BORCS5: variants seen among roughly 807,000 people sequenced by gnomAD.
BORCS5 encodes BLOC-1 related complex subunit 5.
Under a neutral mutation model 22.1 loss-of-function variants are expected in BORCS5, and 17 were observed. That is an observed-to-expected ratio of 0.77 (90% CI 0.53 to 1.15). The LOEUF is 1.15. Ranked by LOEUF, BORCS5 falls within the 50% of genes most tolerant of loss-of-function variation. BORCS5 has a pLI of 0.00. For synonymous variants in BORCS5, 117 were observed against 99.8 expected (o/e 1.17, Z -1.03); for missense variants, 247 against 253.2 (o/e 0.98, Z 0.17).
chr12:12,427,741 T>G (rs1942325900), intron 2 of BORCS5, among the ~76,000 whole-genome samples: 1 of 152,176 alleles, frequency 6.6e-6, no homozygotes, highest in South Asian at 2.1e-4. Flanking sequence ...CCGGCAGATT[T>G]GCCTCTGCCG....
chr12:12,409,038 A>G (rs1941654507), intron 2 of BORCS5, among the ~76,000 whole-genome samples: 1 of 152,130 alleles, frequency 6.6e-6, no homozygotes, highest in Admixed American at 6.5e-5. Context: ...CGGCTATGCT[A>G]TACCATGTTA....
At chr12:12,361,428 T>G in intron 2 of BORCS5, 79 bp downstream of exon 2, 1 of 1,499,558 alleles carries the variant, frequency 6.7e-7, no homozygotes, top group Non-Finnish European at 9.2e-7. Flanking sequence ...TACTTATCCA[T>G]GTATCTTGCT....
intron 2 of BORCS5, among the ~76,000 whole-genome samples, chr12:12,398,523 C>T (rs1026821790): frequency 4.6e-5 from 7 of 152,112 alleles, no homozygotes; most frequent in African/African-American, 1.4e-4. Flanking sequence ...CTCAGAGGGC[C>T]GTTGTGTGCA....
In BORCS5 at chr12:12,394,936, C is replaced by T. The variant is rs74733265; in HGVS notation, c.202+33587C>T. On this transcript the variant is annotated intron_variant, in intron 2 of 3. Transcript: ENST00000314565. ...CTACAGAGAGGTTAGACAACTTGCT[C>T]ATCTTCCAAAAAGATTTAAACTCAG... is the stretch of plus-strand genomic sequence containing the variant. Among the ~76,000 whole-genome samples the T allele has an allele frequency of 2.5e-3, 380 of 152,194 alleles. 4 individuals are homozygous for T. The highest frequency in any genetic ancestry group is 8.8e-3 in the African/African-American group (366 of 41,470).
At chr12:12,373,025 G>A (rs891430712) in intron 2 of BORCS5, among the ~76,000 whole-genome samples, 3 of 152,134 alleles carry the variant, frequency 2.0e-5, no homozygotes, top group African/African-American at 7.2e-5. Flanking sequence ...CCAATTCACA[G>A]GTTGAAATTG....
At chr12:12,425,987 T>C (rs1229761431) in intron 2 of BORCS5, among the ~76,000 whole-genome samples, 1 of 152,234 alleles carries the variant, frequency 6.6e-6, no homozygotes, top group Non-Finnish European at 1.5e-5. Context: ...GGCATAACTT[T>C]ATATAGTTCC....
rs866752135 is a variant in BORCS5 at position 12,468,190 on chromosome 12, C to T, written c.*2414C>T. 52 of 152,300 alleles carry T rather than the reference C, an allele frequency of 3.4e-4. No homozygotes were observed. Among genetic ancestry groups the T allele is most frequent in the Middle Eastern group, 3.4e-3 (1 of 294 alleles). The allele number at this position is 152,300 out of a possible 1,614,324, so 9.4% of individuals were successfully genotyped here. The stretch of plus-strand genomic sequence containing the variant: ...CACCAGCCCCTCTAATTGCTCAAAC[C>T]GCTTTCACAATCCTCTCTTTCTACA... On this transcript the variant is annotated 3_prime_UTR_variant, in exon 4 of 4. Coordinates refer to ENST00000314565, the MANE Select transcript of BORCS5 (RefSeq NM_058169.6).
chr12:12,411,369 T>C (rs892520460), intron 2 of BORCS5, among the ~76,000 whole-genome samples: 1 of 152,222 alleles, frequency 6.6e-6, no homozygotes, highest in Non-Finnish European at 1.5e-5. Flanking sequence ...CATGTGCTTA[T>C]TGGCCATTTG....
At chr12:12,386,677 C>T (rs1863890232) in intron 2 of BORCS5, among the ~76,000 whole-genome samples, 1 of 149,190 alleles carries the variant, frequency 6.7e-6, no homozygotes, top group Non-Finnish European at 1.5e-5. Flanking sequence ...ACTATGTTGG[C>T]CAGGCTGGTC....
In BORCS5 at chr12:12,357,099, A is replaced by G; in HGVS notation, c.-353A>G. On this transcript the variant is annotated 5_prime_UTR_variant, in exon 1 of 4. Coordinates refer to ENST00000314565, the MANE Select transcript of BORCS5 (RefSeq NM_058169.6). ...GCCCATCTGCGTCCCGGAAGGAGCGAGCTTGCGGAGCGTGAACCAGTGAGT... is the reference window on the plus strand; with the variant it reads ...GCCCATCTGCGTCCCGGAAGGAGCGGGCTTGCGGAGCGTGAACCAGTGAGT... 1.3e-6 allele frequency: 2 copies of G among 1,534,558 alleles called. No individual in the cohort carries two copies. The highest frequency in any genetic ancestry group is 1.7e-6 in the Non-Finnish European group (2 of 1,146,088).
intron 3 of BORCS5, among the ~76,000 whole-genome samples, chr12:12,462,038 G>A (rs1565940554): frequency 6.6e-6 from 1 of 152,220 alleles, no homozygotes; most frequent in African/African-American, 2.4e-5. Context: ...GAAAATTCAT[G>A]TTAATGTACA....
At chr12:12,447,676 A>G (rs1942817459) in intron 3 of BORCS5, among the ~76,000 whole-genome samples, 1 of 152,212 alleles carries the variant, frequency 6.6e-6, no homozygotes, top group Non-Finnish European at 1.5e-5. Flanking sequence ...CACCACTGCT[A>G]AGCTCTGTTC....
At chr12:12,386,730 A>C (rs1863891915) in intron 2 of BORCS5, among the ~76,000 whole-genome samples, 1 of 150,748 alleles carries the variant, frequency 6.6e-6, no homozygotes, top group South Asian at 2.1e-4. Flanking sequence ...TCGGCCTCCC[A>C]AAGTGCTGGG....
chr12:12,391,235 A>G (rs975857934), intron 2 of BORCS5, among the ~76,000 whole-genome samples: 8 of 152,076 alleles, frequency 5.3e-5, no homozygotes, highest in Non-Finnish European at 1.0e-4. Flanking sequence ...GGTTCCTGCC[A>G]TACTTAGCAA....
chr12:12,365,477 G>A (rs190319427), intron 2 of BORCS5, among the ~76,000 whole-genome samples: 1 of 151,882 alleles, frequency 6.6e-6, no homozygotes, highest in Non-Finnish European at 1.5e-5. Context: ...ACCATGCCCG[G>A]CCCGAGTTTC....
intron 2 of BORCS5, among the ~76,000 whole-genome samples, chr12:12,415,661 T>C (rs1941927162): frequency 6.6e-6 from 1 of 151,722 alleles, no homozygotes; most frequent in East Asian, 1.9e-4. Context: ...ATCATCCTTG[T>C]GTTCCAGGAA....
chr12:12,392,457 T>A (rs1941218881), intron 2 of BORCS5, among the ~76,000 whole-genome samples: 1 of 152,096 alleles, frequency 6.6e-6, no homozygotes, highest in African/African-American at 2.4e-5. Context: ...GTAATTAAGA[T>A]AGTTTAATAC....
At chr12:12,429,458 G>A (rs917268955) in intron 2 of BORCS5, among the ~76,000 whole-genome samples, 7 of 152,060 alleles carry the variant, frequency 4.6e-5, no homozygotes, top group Admixed American at 6.6e-5. Context: ...CAGGATTTGC[G>A]GTGGGTTTAT....
intron 2 of BORCS5, among the ~76,000 whole-genome samples, chr12:12,399,021 G>A (rs1941412036): frequency 6.6e-6 from 1 of 152,158 alleles, no homozygotes; most frequent in Non-Finnish European, 1.5e-5. Context: ...AATTGCCAGT[G>A]GTGCCCCAGT....
Sources: allele counts gnomAD v4.1 joint callset (sites outside exome capture counted in the v4.1 genomes callset), GRCh38; gene constraint gnomAD v4.1.1; transcripts MANE v1.5; gene names NCBI Gene and HGNC (gene_info 2026-07-23, HGNC 2026-07-21).